ETV6: variants seen among roughly 807,000 people sequenced by gnomAD.
The protein encoded by ETV6 is ETS variant transcription factor 6.
In ETV6, 16 loss-of-function variants were observed where a neutral mutation model predicts 51.1. The ratio of observed to expected loss-of-function variants is 0.31; its 90% CI spans 0.21 to 0.48. ETV6 has a LOEUF of 0.48. Among genes scored for constraint, ETV6 ranks in the 20% least tolerant of loss-of-function variants. ETV6 has a pLI of 0.99. For missense variants in ETV6, 458 were observed against 594.8 expected, an observed-to-expected ratio of 0.77 and a Z score of 2.39; for synonymous variants, 240 against 224.1, an observed-to-expected ratio of 1.07 and a Z score of -0.64.
rs555747733 is a variant in ETV6, at chr12:11,885,893, CT to C, written c.1153-26del. ...AGGTTCATTTCATTGTGTCTTTGTG[CT>C]TTTTTTCTCCCTTCCTCCTTTGAAC... On this transcript the variant is annotated intron_variant, in intron 6 of 7. Coordinates refer to ENST00000396373, the MANE Select transcript of ETV6 (RefSeq NM_001987.5). 153 of 1,514,760 alleles carry C rather than the reference CT, an allele frequency of 1.0e-4. No individual in the cohort carries two copies. In the East Asian group the frequency reaches 2.1e-3, roughly 21 times the overall value. 93.8% of individuals were successfully genotyped at this position (1,514,760 alleles called of 1,614,324 possible). A position where few individuals can be genotyped will look rare whatever the true frequency, so the allele number is the denominator to read the frequency against.
intron 2 of ETV6, among the ~76,000 whole-genome samples, chr12:11,837,179 C>T (rs1306207226): frequency 2.0e-5 from 3 of 152,164 alleles, no homozygotes; most frequent in East Asian, 1.9e-4. Context: ...GCATCACTTT[C>T]TGGCCAGTCA....
At chr12:11,884,733 G>T (rs1289728615) in intron 6 of ETV6, 146 bp downstream of exon 6, 1 of 977,422 alleles carries the variant, frequency 1.0e-6, no homozygotes, top group Admixed American at 2.7e-5. Flanking sequence ...CAATTAGGCA[G>T]TTGCAAAGGG....
chr12:11,814,478 C>T (rs1241045388), intron 2 of ETV6, among the ~76,000 whole-genome samples: 1 of 151,952 alleles, frequency 6.6e-6, no homozygotes, highest in Non-Finnish European at 1.5e-5. Context: ...AATGTGTTCA[C>T]CAAAGTGAGT....
chr12:11,816,865 G>C (rs1192774425), intron 2 of ETV6, among the ~76,000 whole-genome samples: 1 of 152,202 alleles, frequency 6.6e-6, no homozygotes, highest in Non-Finnish European at 1.5e-5. Flanking sequence ...ATAGCAAATG[G>C]AAACTTTGAC....
intron 1 of ETV6, among the ~76,000 whole-genome samples, chr12:11,699,336 T>C (rs1343794215): frequency 1.3e-5 from 2 of 152,340 alleles, no homozygotes; most frequent in Middle Eastern, 6.8e-3. Context: ...AGCTTGCTCA[T>C]TTTAATTCAT....
At chr12:11,662,934 C>G (rs1362688815) in intron 1 of ETV6, among the ~76,000 whole-genome samples, 3 of 152,166 alleles carry the variant, frequency 2.0e-5, no homozygotes, top group African/African-American at 4.8e-5. Flanking sequence ...TGAGAAACTT[C>G]TTGCTGCACA....
At chr12:11,749,798 C>T (rs1865987820) in intron 1 of ETV6, among the ~76,000 whole-genome samples, 1 of 152,214 alleles carries the variant, frequency 6.6e-6, no homozygotes, top group South Asian at 2.1e-4. Context: ...CCCAAGTGCT[C>T]TGCAGCCACC....
chr12:11,815,055 G>A (rs1377567292), intron 2 of ETV6, among the ~76,000 whole-genome samples: 1 of 152,094 alleles, frequency 6.6e-6, no homozygotes, highest in Non-Finnish European at 1.5e-5. Context: ...ACTTTCCTGT[G>A]GTTCATCAGT....
rs1005731266 is a variant in ETV6 at position 11,895,024 on chromosome 12, A to G, written c.*3978A>G. On this transcript the variant is annotated 3_prime_UTR_variant, in exon 8 of 8. Coordinates refer to ENST00000396373, the MANE Select transcript of ETV6 (RefSeq NM_001987.5). ...GCCAGTGGGGTGGGAGGGAGGCACC[A>G]TAATCCCTCCCTAAAACCCACAGAA... 4.3e-6 allele frequency: 1 copy of G among 233,594 alleles called. No homozygotes were observed. The highest frequency in any genetic ancestry group is 2.2e-5 in the African/African-American group (1 of 45,350). 14.5% of individuals were successfully genotyped at this position (233,594 alleles called of 1,614,324 possible).
intron 2 of ETV6, among the ~76,000 whole-genome samples, chr12:11,784,730 A>G (rs2136374807): frequency 6.6e-6 from 1 of 152,158 alleles, no homozygotes; most frequent in East Asian, 1.9e-4. Flanking sequence ...TTTCTGAGAC[A>G]GGCTCTTGCC....
At chr12:11,663,059 C>T (rs1239160910) in intron 1 of ETV6, among the ~76,000 whole-genome samples, 7 of 152,208 alleles carry the variant, frequency 4.6e-5, no homozygotes, top group Admixed American at 1.3e-4. Context: ...GACATCTCTC[C>T]GCTGGTCCTA....
At chr12:11,772,309 T>C (rs892118335) in intron 2 of ETV6, among the ~76,000 whole-genome samples, 2 of 152,222 alleles carry the variant, frequency 1.3e-5, no homozygotes, top group African/African-American at 4.8e-5. Context: ...GAGAATGTTT[T>C]TGAATTCAGA....
chr12:11,730,529 C>G (rs2120974165), intron 1 of ETV6, among the ~76,000 whole-genome samples: 1 of 152,308 alleles, frequency 6.6e-6, no homozygotes, highest in Non-Finnish European at 1.5e-5. Context: ...GACGGGTTGT[C>G]CAGCGCAGCC....
Position 11,845,070 on chromosome 12 carries a change from C to CT in ETV6, c.328+5767dup, listed in dbSNP as rs1417253500. ...GATCTCAATCTCTTGACCTCATGAT[C>CT]TACCCACTTTGGCCTCCCAAAGTGC... On this transcript the variant is annotated intron_variant, in intron 3 of 7. Transcript: ENST00000396373. 2.0e-5 allele frequency among the ~76,000 whole-genome samples: 3 copies of CT among 152,300 alleles called. No individual in the cohort carries two copies. In the East Asian group the frequency reaches 5.8e-4, roughly 29 times the overall value.
chr12:11,752,638 G>A, intron 2 of ETV6, 59 bp downstream of exon 2: 1 of 1,559,086 alleles, frequency 6.4e-7, no homozygotes, highest in Non-Finnish European at 8.7e-7. Flanking sequence ...GGGGTGGCAG[G>A]CAGTGGGCTC....
At chr12:11,744,381 T>TA (rs1052156891) in intron 1 of ETV6, among the ~76,000 whole-genome samples, 5 of 152,208 alleles carry the variant, frequency 3.3e-5, no homozygotes, top group African/African-American at 7.2e-5. Flanking sequence ...TTAATTTCAG[T>TA]ACCTGTTTCT....
At chr12:11,823,461 C>T (rs1946110343) in intron 2 of ETV6, among the ~76,000 whole-genome samples, 1 of 143,450 alleles carries the variant, frequency 7.0e-6, no homozygotes, top group Admixed American at 6.9e-5. Context: ...CTAGAGAGTC[C>T]TTTTTTTCTT....
At chr12:11,815,905 T>C (rs1172897340) in intron 2 of ETV6, among the ~76,000 whole-genome samples, 4 of 152,234 alleles carry the variant, frequency 2.6e-5, no homozygotes, top group South Asian at 2.1e-4. Context: ...TTACAGTTTC[T>C]GCTTTTTTGC....
intron 2 of ETV6, among the ~76,000 whole-genome samples, chr12:11,773,070 T>G (rs1052309954): frequency 6.6e-5 from 10 of 151,920 alleles, no homozygotes; most frequent in Admixed American, 5.2e-4. Flanking sequence ...GGCGGACACC[T>G]GTAGTCCCAG....
Sources: gnomAD v4.1 joint callset for allele counts (sites outside exome capture counted in the v4.1 genomes callset) on GRCh38, gnomAD v4.1.1 for gene constraint, MANE v1.5 for transcripts, NCBI Gene and HGNC (gene_info 2026-07-23, HGNC 2026-07-21) for gene names.